CCDC175: variants seen among roughly 807,000 people sequenced by gnomAD.
The protein encoded by CCDC175 is coiled-coil domain-containing protein 175.
CCDC175 carries 100 observed loss-of-function variants against 114.6 expected under a neutral mutation model. That is an observed-to-expected ratio of 0.87 (90% CI 0.74 to 1.03). The LOEUF is 1.03. Ranked by LOEUF, CCDC175 falls within the 50% of genes least tolerant of loss-of-function variation. The probability of loss-of-function intolerance (pLI) is 0.00; values close to 1 mark genes in which losing one functional copy is unlikely to be tolerated. For synonymous variants in CCDC175, 306 were observed against 308.7 expected (o/e 0.99, Z 0.09); for missense variants, 880 against 917.8 (o/e 0.96, Z 0.53).
chr14:59,515,003 G>T (rs1007323263), intron 17 of CCDC175, among the ~76,000 whole-genome samples: 1 of 152,134 alleles, frequency 6.6e-6, no homozygotes, highest in African/African-American at 2.4e-5. Context: ...GAGAGTGGGG[G>T]CCAATATTCA....
In CCDC175 at chr14:59,543,458, T is replaced by A; in HGVS notation, c.1173-4A>T. 1 of 1,255,532 alleles carries A rather than the reference T, an allele frequency of 8.0e-7. No homozygotes were observed. Among genetic ancestry groups the A allele is most frequent in the Non-Finnish European group, 1.1e-6 (1 of 928,018 alleles). The allele number at this position is 1,255,532 out of a possible 1,614,324, so 77.8% of individuals were successfully genotyped here. ...AAATGTCAGCTGTTTCTGATTTCTA[T>A]CATGAAAAACAGAGTTATTTGTTGA... On this transcript the variant is annotated splice_region_variant and splice_polypyrimidine_tract_variant and intron_variant, in intron 9 of 19. Coordinates refer to ENST00000537690, the MANE Select transcript of CCDC175 (RefSeq NM_001164399.2).
intron 6 of CCDC175, among the ~76,000 whole-genome samples, chr14:59,563,446 T>C (rs1192858507): frequency 6.6e-6 from 1 of 152,226 alleles, no homozygotes; most frequent in Non-Finnish European, 1.5e-5. Flanking sequence ...AAATGTTATA[T>C]GTATCAATAC....
chr14:59,510,545 A>T, intron 19 of CCDC175, 101 bp downstream of exon 19: 1 of 1,166,566 alleles, frequency 8.6e-7, no homozygotes. Flanking sequence ...GGGGATAACT[A>T]AGTCACTTAG....
At chr14:59,520,080 C>T (rs76285026) in intron 17 of CCDC175, among the ~76,000 whole-genome samples, 17,776 of 152,244 alleles carry the variant, frequency 0.12, 1,213 homozygotes, top group African/African-American at 0.18. Context: ...TTGTCTTCAA[C>T]GAGCTCTGAT....
intron 17 of CCDC175, among the ~76,000 whole-genome samples, chr14:59,517,306 G>A (rs1462150130): frequency 6.6e-6 from 1 of 152,182 alleles, no homozygotes; most frequent in Non-Finnish European, 1.5e-5. Context: ...CATAGTGTTG[G>A]AAGTTCTGGC....
chr14:59,526,545 G>A (rs1893750345), intron 15 of CCDC175, among the ~76,000 whole-genome samples: 1 of 137,314 alleles, frequency 7.3e-6, no homozygotes, highest in South Asian at 2.4e-4. Flanking sequence ...AACAGAGTGA[G>A]ACTCCATCTC....
intron 16 of CCDC175, among the ~76,000 whole-genome samples, chr14:59,523,358 G>T (rs1000751567): frequency 6.6e-6 from 1 of 152,112 alleles, no homozygotes; most frequent in Non-Finnish European, 1.5e-5. Flanking sequence ...AGAGTGGTGG[G>T]ATAACTATTG....
In CCDC175 at chr14:59,525,281, CTTCTT is replaced by C; in HGVS notation, c.1991_1995del (p.Lys664IlefsTer8). Reference sequence around the variant, plus strand: ...GAAAAGGATGGTGCTCTTAAACTTACTTCTTTTAATTTTTTATTTTCCAGGAGCAG... The same window carrying C: ...GAAAAGGATGGTGCTCTTAAACTTACTTAATTTTTTATTTTCCAGGAGCAG... On this transcript the variant is annotated frameshift_variant and splice_region_variant, in exon 16 of 20. Transcript: ENST00000537690. LOFTEE classifies it high-confidence loss of function. 2 of 1,441,162 alleles carry C rather than the reference CTTCTT, an allele frequency of 1.4e-6. No homozygotes were observed. The highest frequency in any genetic ancestry group is 2.6e-5 in the East Asian group (1 of 37,766). 89.3% of individuals were successfully genotyped at this position (1,441,162 alleles called of 1,614,324 possible).
intron 1 of CCDC175, among the ~76,000 whole-genome samples, chr14:59,575,267 T>A (rs1897044259): frequency 7.1e-6 from 1 of 141,112 alleles, no homozygotes; most frequent in African/African-American, 2.6e-5. Flanking sequence ...ATTAATATTT[T>A]ATAACTCAGG....
chr14:59,527,265 T>C (rs1893800614), intron 14 of CCDC175, 91 bp from the exon 15 acceptor site: 3 of 678,742 alleles, frequency 4.4e-6, no homozygotes, highest in Non-Finnish European at 6.9e-6. Flanking sequence ...TCAAATTATC[T>C]CACAAGGTTT....
intron 9 of CCDC175, among the ~76,000 whole-genome samples, chr14:59,544,736 T>C (rs1373823858): frequency 6.6e-6 from 1 of 152,210 alleles, no homozygotes; most frequent in African/African-American, 2.4e-5. Flanking sequence ...ATTAGTGTCG[T>C]GATAATGCTC....
Position 59,505,162 on chromosome 14 carries a change from G to T in CCDC175, c.*77C>A. 3 of 660,122 alleles carry T rather than the reference G, an allele frequency of 4.5e-6. No individual in the cohort carries two copies. Among genetic ancestry groups the T allele is most frequent in the Non-Finnish European group, 7.2e-6 (3 of 418,148 alleles). 40.9% of individuals were successfully genotyped at this position (660,122 alleles called of 1,614,324 possible). On this transcript the variant is annotated 3_prime_UTR_variant, in exon 20 of 20. Coordinates refer to ENST00000537690, the MANE Select transcript of CCDC175 (RefSeq NM_001164399.2). The stretch of plus-strand genomic sequence containing the variant: ...ATGTTTAAGACTTCTATTAACAGCT[G>T]CAAAATATGAAAGTAAGTGCACTCA...
At chr14:59,551,530 T>A (rs1407929794) in intron 7 of CCDC175, 94 bp from the exon 8 acceptor site, 8 of 552,154 alleles carry the variant, frequency 1.4e-5, no homozygotes, top group South Asian at 1.4e-4. Flanking sequence ...AGTATACAGC[T>A]CCCAGTGTGA....
In CCDC175 at chr14:59,510,817, A is replaced by G. The variant is rs747544788; in HGVS notation, c.2143-9T>C. ...CCATTGTCCACCAAGATCTAAAGAA[A>G]TGGCATTTTAGGCTGTGTCAATATA... On this transcript the variant is annotated splice_polypyrimidine_tract_variant and intron_variant, in intron 18 of 19. Coordinates refer to ENST00000537690, the MANE Select transcript of CCDC175 (RefSeq NM_001164399.2). 49 of 1,534,064 alleles carry G rather than the reference A, an allele frequency of 3.2e-5. No homozygotes were observed. The highest frequency in any genetic ancestry group is 4.1e-5 in the Non-Finnish European group (47 of 1,144,336).
intron 18 of CCDC175, among the ~76,000 whole-genome samples, 198 bp downstream of exon 18, chr14:59,511,562 A>AAAAAT: frequency 6.6e-6 from 1 of 151,290 alleles, no homozygotes; most frequent in East Asian, 1.9e-4. Flanking sequence ...AAAAAAAAAA[A>AAAAAT]AAAAAGACAC....
chr14:59,541,560 TTGTC>T (rs1258592403), intron 10 of CCDC175, among the ~76,000 whole-genome samples: 62 of 152,324 alleles, frequency 4.1e-4, no homozygotes, highest in African/African-American at 1.5e-3. Context: ...TCGTGTTTCT[TTGTC>T]TGTTTGAAAC....
intron 4 of CCDC175, among the ~76,000 whole-genome samples, chr14:59,566,052 C>G (rs938699008): frequency 6.6e-6 from 1 of 152,186 alleles, no homozygotes; most frequent in Non-Finnish European, 1.5e-5. Context: ...CAACAGAAAG[C>G]TCACCTTCCT....
chr14:59,537,319 G>A (rs1352168004), intron 13 of CCDC175, among the ~76,000 whole-genome samples: 1 of 152,092 alleles, frequency 6.6e-6, no homozygotes, highest in African/African-American at 2.4e-5. Flanking sequence ...AGACAACTTG[G>A]ATCAGGTAAA....
chr14:59,531,876 T>C lies in CCDC175; in HGVS notation c.1658A>G (p.Glu553Gly). ...IFVKETQINK[E>G]KEEELVEYLP... ...ATACTCAACTAGTTCTTCTTCCTTT[T>C]CTTTGTTAATTTGTGTTTCCTTAAC... The change falls in exon 14 of 20, where the codon GAA (glutamate) becomes GGA (glycine). Residue 553 changes from glutamate to glycine, a missense_variant. Coordinates refer to ENST00000537690, the MANE Select transcript of CCDC175 (RefSeq NM_001164399.2). The C allele has an allele frequency of 7.8e-7, 1 of 1,279,516 alleles. No homozygotes were observed. The highest frequency in any genetic ancestry group is 1.1e-6 in the Non-Finnish European group (1 of 919,770). 79.3% of individuals were successfully genotyped at this position (1,279,516 alleles called of 1,614,324 possible).
Sources: gnomAD v4.1 joint callset for allele counts (sites outside exome capture counted in the v4.1 genomes callset) on GRCh38, gnomAD v4.1.1 for gene constraint, MANE v1.5 for transcripts, NCBI Gene and HGNC (gene_info 2026-07-23, HGNC 2026-07-21) for gene names.